PCSK2: variants seen among roughly 807,000 people sequenced by gnomAD.
The protein encoded by PCSK2 is neuroendocrine convertase 2.
Under a neutral mutation model 69.7 loss-of-function variants are expected in PCSK2, and 14 were observed. The observed-to-expected ratio is 0.20, with a 90% CI of 0.13 to 0.31. PCSK2 has a LOEUF of 0.31. PCSK2 is among the 10% of genes least tolerant of loss of function. The probability of loss-of-function intolerance (pLI) is 1.00; values close to 1 mark genes in which losing one functional copy is unlikely to be tolerated. For missense variants in PCSK2, 544 were observed against 842.5 expected (o/e 0.65, Z 4.39); for synonymous variants, 307 against 320.7 (o/e 0.96, Z 0.46).
chr20:17,378,639 G>GGATT (rs1239505152), intron 5 of PCSK2, among the ~76,000 whole-genome samples: 1 of 93,420 alleles, frequency 1.1e-5, no homozygotes, highest in Non-Finnish European at 2.4e-5. Flanking sequence ...ATGGATGGAT[G>GGATT]GATGAATGGA....
chr20:17,368,745 C>T (rs2030673237), intron 4 of PCSK2, among the ~76,000 whole-genome samples: 1 of 152,166 alleles, frequency 6.6e-6, no homozygotes, highest in Non-Finnish European at 1.5e-5. Flanking sequence ...GGAGACAAGC[C>T]TCAGCTCCCA....
At chr20:17,352,049 G>A (rs921679361) in intron 2 of PCSK2, among the ~76,000 whole-genome samples, 7 of 152,254 alleles carry the variant, frequency 4.6e-5, no homozygotes, top group East Asian at 1.9e-4. Flanking sequence ...ATTTCTACAC[G>A]CCAATAACGT....
intron 5 of PCSK2, among the ~76,000 whole-genome samples, chr20:17,399,601 G>C (rs182443613): frequency 6.5e-4 from 99 of 152,222 alleles, no homozygotes; most frequent in African/African-American, 2.3e-3. Context: ...AAAGCCATGG[G>C]GGCACTTAGC....
At chr20:17,342,801 G>T (rs988728203) in intron 2 of PCSK2, among the ~76,000 whole-genome samples, 1 of 151,652 alleles carries the variant, frequency 6.6e-6, no homozygotes, top group Admixed American at 6.6e-5. Flanking sequence ...CTGGCTAATT[G>T]TTTTCTTTTT....
chr20:17,443,402 A>G (rs991555475), intron 8 of PCSK2, among the ~76,000 whole-genome samples: 7 of 152,082 alleles, frequency 4.6e-5, no homozygotes, highest in African/African-American at 1.7e-4. Flanking sequence ...AGCATTTAGG[A>G]TGAAATTTTT....
At chr20:17,313,786 G>A (rs760896055) in intron 2 of PCSK2, among the ~76,000 whole-genome samples, 10 of 152,168 alleles carry the variant, frequency 6.6e-5, no homozygotes, top group Non-Finnish European at 1.2e-4. Context: ...AGGCTGACAG[G>A]CTGGAAGATA....
At chr20:17,471,820 G>A (rs765304664) in intron 11 of PCSK2, among the ~76,000 whole-genome samples, 15 of 152,350 alleles carry the variant, frequency 9.8e-5, no homozygotes, top group Non-Finnish European at 2.2e-4. Flanking sequence ...GGAGGCCCTT[G>A]TGACCACGAA....
intron 4 of PCSK2, among the ~76,000 whole-genome samples, chr20:17,362,074 G>A (rs2030416095): frequency 6.6e-6 from 1 of 152,216 alleles, no homozygotes; most frequent in African/African-American, 2.4e-5. Context: ...CAACAGATGT[G>A]CATTGCTCTG....
intron 2 of PCSK2, among the ~76,000 whole-genome samples, chr20:17,354,745 A>G (rs1001524471): frequency 6.6e-6 from 1 of 152,172 alleles, no homozygotes; most frequent in Non-Finnish European, 1.5e-5. Flanking sequence ...GCAGCATATT[A>G]CAATTCTTAT....
rs1434088086 is a variant in PCSK2, at chr20:17,391,894, G to A, written c.544-17369G>A. Among the ~76,000 whole-genome samples, 18 of 53,398 alleles carry A rather than the reference G, an allele frequency of 3.4e-4. No individual in the cohort carries two copies. The East Asian group carries it at 9.3e-3, about 27-fold the overall frequency. The allele number at this position is 53,398 out of a possible 152,430, so 35.0% of individuals were successfully genotyped here. Reference sequence around the variant, plus strand: ...AAAGAAAGAAAAAAAGAAAGAGAGAGAGAAAGAGAGAGAGGAAGGAAGGAA... The same window carrying A: ...AAAGAAAGAAAAAAAGAAAGAGAGAAAGAAAGAGAGAGAGGAAGGAAGGAA... On this transcript the variant is annotated intron_variant, in intron 5 of 11. Transcript: ENST00000262545.
chr20:17,246,530 G>A (rs1986777294), intron 1 of PCSK2, among the ~76,000 whole-genome samples: 1 of 152,084 alleles, frequency 6.6e-6, no homozygotes, highest in Non-Finnish European at 1.5e-5. Flanking sequence ...AAAGGAGAAT[G>A]TAAAAGTATG....
intron 2 of PCSK2, among the ~76,000 whole-genome samples, chr20:17,303,060 T>C (rs1429452266): frequency 6.6e-6 from 1 of 151,268 alleles, no homozygotes; most frequent in African/African-American, 2.4e-5. Context: ...CTATAAATTC[T>C]CATCTTTTCT....
At chr20:17,480,584 T>C (rs954076537) in intron 11 of PCSK2, among the ~76,000 whole-genome samples, 2 of 152,246 alleles carry the variant, frequency 1.3e-5, no homozygotes, top group African/African-American at 4.8e-5. Context: ...TATGAGTTCC[T>C]GCCTCAGTCT....
intron 2 of PCSK2, among the ~76,000 whole-genome samples, chr20:17,338,030 T>C (rs1277059235): frequency 6.6e-6 from 1 of 151,508 alleles, no homozygotes; most frequent in Non-Finnish European, 1.5e-5. Flanking sequence ...ATCAGGCAGG[T>C]ACTGGAACTT....
At chr20:17,413,990 C>A (rs1271523474) in intron 6 of PCSK2, among the ~76,000 whole-genome samples, 1 of 152,074 alleles carries the variant, frequency 6.6e-6, no homozygotes, top group Non-Finnish European at 1.5e-5. Context: ...CCAATGAGAA[C>A]AAAGACAAAA....
intron 2 of PCSK2, among the ~76,000 whole-genome samples, chr20:17,308,476 C>G (rs956217924): frequency 6.6e-6 from 1 of 152,132 alleles, no homozygotes; most frequent in Non-Finnish European, 1.5e-5. Flanking sequence ...GCATTCCAGG[C>G]GGAAGTGCAA....
Position 17,468,135 on chromosome 20 carries a change from C to T in PCSK2, c.1430+2582C>T, listed in dbSNP as rs545160476. On this transcript the variant is annotated intron_variant, in intron 11 of 11. Coordinates refer to ENST00000262545, the MANE Select transcript of PCSK2 (RefSeq NM_002594.5). ...AGGTCAGCATCCTCCCACAGGCCAG[C>T]ATCCTGCCATATACGGGCAGCCCAC... Among the ~76,000 whole-genome samples, 69 of 148,908 alleles carry T rather than the reference C, an allele frequency of 4.6e-4. No homozygotes were observed. The South Asian group carries it at 0.015, about 31-fold the overall frequency.
intron 5 of PCSK2, among the ~76,000 whole-genome samples, chr20:17,372,072 C>T (rs922600547): frequency 5.3e-5 from 8 of 152,132 alleles, no homozygotes; most frequent in African/African-American, 1.9e-4. Context: ...TGGGTGGTAA[C>T]CACAGAAGCA....
At chr20:17,256,303 G>A (rs956588988) in intron 1 of PCSK2, among the ~76,000 whole-genome samples, 1 of 151,826 alleles carries the variant, frequency 6.6e-6, no homozygotes, top group Non-Finnish European at 1.5e-5. Flanking sequence ...TGGTTTCTTT[G>A]AACATATGTC....
Sources: allele counts gnomAD v4.1 joint callset (sites outside exome capture counted in the v4.1 genomes callset), GRCh38; gene constraint gnomAD v4.1.1; transcripts MANE v1.5; gene names NCBI Gene and HGNC (gene_info 2026-07-23, HGNC 2026-07-21).